Variants in DAB2IP observed in about 807,000 individuals in gnomAD.
DAB2IP encodes DAB2 interacting protein.
Under a neutral mutation model 107.2 loss-of-function variants are expected in DAB2IP, and 28 were observed. That is an observed-to-expected ratio of 0.26 (90% CI 0.19 to 0.36). DAB2IP has a LOEUF of 0.36. Ranked by LOEUF, DAB2IP falls within the 10% of genes least tolerant of loss-of-function variation. The pLI is 1.00. For missense variants in DAB2IP, 1,400 were observed against 1,644.7 expected (o/e 0.85, Z 2.57); for synonymous variants, 755 against 706.4 (o/e 1.07, Z -1.09).
chr9:121,717,592 T>C (rs1368024021), intron 3 of DAB2IP, among the ~76,000 whole-genome samples: 3 of 152,210 alleles, frequency 2.0e-5, no homozygotes, highest in Non-Finnish European at 4.4e-5. Flanking sequence ...GCCCTGGGCA[T>C]TCTGACCTGC....
chr9:121,694,000 G>A (rs994517462), intron 2 of DAB2IP, among the ~76,000 whole-genome samples: 1 of 152,136 alleles, frequency 6.6e-6, no homozygotes, highest in African/African-American at 2.4e-5. Flanking sequence ...CACAGACAAG[G>A]ACAGCACTGG....
upstream of DAB2IP, among the ~76,000 whole-genome samples, chr9:121,650,555 AAG>A (rs1178151459): frequency 3.3e-5 from 5 of 152,242 alleles, no homozygotes; most frequent in Non-Finnish European, 7.3e-5. Context: ...GCCCCAGGCT[AAG>A]ACCACTTGCC....
chr9:121,712,914 G>A (rs1483192956), intron 3 of DAB2IP, among the ~76,000 whole-genome samples: 2 of 152,194 alleles, frequency 1.3e-5, no homozygotes, highest in South Asian at 2.1e-4. Context: ...GGGCGTACAG[G>A]ATGCTCTGCT....
At chr9:121,690,634 C>T (rs959726731) in intron 2 of DAB2IP, among the ~76,000 whole-genome samples, 3 of 152,214 alleles carry the variant, frequency 2.0e-5, no homozygotes, top group Non-Finnish European at 4.4e-5. Flanking sequence ...TTCGCTGATG[C>T]CCGCCTAATC....
intron 1 of DAB2IP, among the ~76,000 whole-genome samples, chr9:121,580,147 G>A (rs1488143167): frequency 6.6e-6 from 1 of 152,182 alleles, no homozygotes; most frequent in Non-Finnish European, 1.5e-5. Flanking sequence ...AATTGGAGGA[G>A]GATTGTTGGA....
At chr9:121,612,547 C>T (rs1009421371) in intron 1 of DAB2IP, among the ~76,000 whole-genome samples, 2 of 152,086 alleles carry the variant, frequency 1.3e-5, no homozygotes, top group African/African-American at 2.4e-5. Flanking sequence ...GTGTAAGTCA[C>T]CGGGGTGAGT....
intron 3 of DAB2IP, among the ~76,000 whole-genome samples, chr9:121,707,810 C>T (rs909153780): frequency 5.3e-5 from 8 of 152,224 alleles, no homozygotes; most frequent in Non-Finnish European, 1.0e-4. Flanking sequence ...TGAGCCTCAA[C>T]AATTACTGTT....
chr9:121,781,123 C>T (rs1835601806), intron 14 of DAB2IP, among the ~76,000 whole-genome samples: 2 of 152,200 alleles, frequency 1.3e-5, no homozygotes, highest in Admixed American at 1.3e-4. Context: ...TTCGTCTTTC[C>T]ACCACCTGCC....
chr9:121,752,295 C>T (rs907863221), intron 3 of DAB2IP, among the ~76,000 whole-genome samples: 9 of 148,798 alleles, frequency 6.0e-5, no homozygotes, highest in African/African-American at 1.6e-4. Context: ...CCAGGGTTTG[C>T]AGGCTGAGGG....
At chr9:121,648,056 A>G (rs1288531258), upstream of DAB2IP, among the ~76,000 whole-genome samples, 2 of 152,082 alleles carry the variant, frequency 1.3e-5, no homozygotes, top group African/African-American at 4.8e-5. Flanking sequence ...AGCTATGAGG[A>G]TGCAAAGGCA....
intron 1 of DAB2IP, among the ~76,000 whole-genome samples, chr9:121,578,369 C>T (rs905354533): frequency 5.9e-5 from 9 of 151,976 alleles, no homozygotes; most frequent in African/African-American, 2.2e-4. Context: ...CCTCTTCCCT[C>T]CTCTCCCCCT....
chr9:121,770,820 A>G (rs1300990759), intron 11 of DAB2IP, 96 bp downstream of exon 11: 1 of 1,475,094 alleles, frequency 6.8e-7, no homozygotes, highest in Non-Finnish European at 9.2e-7. Flanking sequence ...ATGCCTACAT[A>G]GTGTTTATAA....
At chr9:121,613,175 G>C (rs550699597) in intron 1 of DAB2IP, among the ~76,000 whole-genome samples, 1 of 152,336 alleles carries the variant, frequency 6.6e-6, no homozygotes, top group South Asian at 2.1e-4. Context: ...GTGTTTTGAG[G>C]CTTCGGTGAG....
chr9:121,680,216 C>T (rs1828513295), intron 2 of DAB2IP, among the ~76,000 whole-genome samples: 1 of 152,180 alleles, frequency 6.6e-6, no homozygotes, highest in Admixed American at 6.5e-5. Flanking sequence ...GTGGAACCTC[C>T]AGTACCAGGC....
At chr9:121,710,634 C>T (rs1373692386) in intron 3 of DAB2IP, among the ~76,000 whole-genome samples, 1 of 152,142 alleles carries the variant, frequency 6.6e-6, no homozygotes, top group Admixed American at 6.5e-5. Context: ...GCTAAGTGGC[C>T]TTCCATAGCA....
Position 121,782,627 on chromosome 9 carries a change from C to T in DAB2IP, c.*129C>T. 6.7e-7 allele frequency: 1 copy of T among 1,503,372 alleles called. No homozygotes were observed. The highest frequency in any genetic ancestry group is 2.3e-5 in the East Asian group (1 of 42,950). The allele number at this position is 1,503,372 out of a possible 1,614,324, so 93.1% of individuals were successfully genotyped here. A position where few individuals can be genotyped will look rare whatever the true frequency, so the allele number is the denominator to read the frequency against. ...GTGTCAGGAGGCCGAGCCTCCCCTC[C>T]CTGCCGCTGTCCAGGAGGCGGCCGC... is the stretch of plus-strand genomic sequence containing the variant. On this transcript the variant is annotated 3_prime_UTR_variant, in exon 16 of 16. Transcript: ENST00000408936. The surrounding 1 kb of genome is among the most constrained non-coding windows in gnomAD (Gnocchi z 6.1).
intron 6 of DAB2IP, among the ~76,000 whole-genome samples, chr9:121,762,150 G>T (rs1297272619): frequency 6.6e-6 from 1 of 152,172 alleles, no homozygotes; most frequent in Admixed American, 6.5e-5. Context: ...CCGTCTCCAC[G>T]GCTAGAGGAG....
intron 1 of DAB2IP, among the ~76,000 whole-genome samples, chr9:121,591,866 C>T (rs1351843276): frequency 6.6e-6 from 1 of 152,028 alleles, no homozygotes; most frequent in Non-Finnish European, 1.5e-5. Context: ...GTTTTACAGC[C>T]CAGGGGAGTC....
chr9:121,752,434 A>G (rs923728583), intron 3 of DAB2IP, among the ~76,000 whole-genome samples: 2 of 148,718 alleles, frequency 1.3e-5, no homozygotes, highest in African/African-American at 5.2e-5. Flanking sequence ...ACCCAACTTT[A>G]CCCACAAGGA....
Sources: gnomAD v4.1 joint callset for allele counts (sites outside exome capture counted in the v4.1 genomes callset) on GRCh38, gnomAD v4.1.1 for gene constraint, Gnocchi (gnomAD v3.1) non-coding constraint, MANE v1.5 for transcripts, NCBI Gene and HGNC (gene_info 2026-07-23, HGNC 2026-07-21) for gene names.